The following DIDO1 variants were observed in gnomAD, a reference collection of about 807,000 sequenced individuals.
DIDO1 encodes the protein death inducer-obliterator 1.
In DIDO1, 16 loss-of-function variants were observed where a neutral mutation model predicts 99.4. The ratio of observed to expected loss-of-function variants is 0.16; its 90% confidence interval spans 0.11 to 0.24. The LOEUF (loss-of-function observed/expected upper bound fraction) is 0.24. Among genes scored for constraint, DIDO1 ranks in the 10% least tolerant of loss-of-function variants. DIDO1 has a pLI of 1.00. For missense variants in DIDO1, 2,996 were observed against 3,014.0 expected, an observed-to-expected ratio of 0.99 and a Z score of 0.14; for synonymous variants, 1,366 against 1,239.1, an observed-to-expected ratio of 1.10 and a Z score of -2.15.
intron 4 of DIDO1, among the ~76,000 whole-genome samples, chr20:62,907,710 G>A (rs1055369144): frequency 1.2e-4 from 19 of 152,240 alleles, no homozygotes; most frequent in African/African-American, 4.1e-4. Flanking sequence ...TTCTTCAGAT[G>A]TAATTAAGGA....
chr20:62,905,922 T>C lies in DIDO1; in HGVS notation c.1553A>G (p.Lys518Arg). The change falls in exon 6 of 16, where the codon AAG becomes AGG. Residue 518 changes from lysine (K) to arginine (R), a missense_variant. Around this residue, in one of 5 missense-constraint regions of DIDO1, gnomAD observed 898 missense variants for 972.7 expected, o/e 0.92. Coordinates refer to ENST00000395343, the MANE Select transcript of DIDO1 (RefSeq NM_001193369.2). ...DHNYNAVKPE[K>R]TAAPSPSLLY... Reference sequence around the variant, plus strand: ...CAGTGACGGCGAGGGAGCAGCAGTCTTTTCTGGCTTTACTGCATTGTAATT... The same window carrying C: ...CAGTGACGGCGAGGGAGCAGCAGTCCTTTCTGGCTTTACTGCATTGTAATT... The C allele has an allele frequency of 6.2e-7, 1 of 1,614,078 alleles. No individual in the cohort carries two copies. The highest frequency in any genetic ancestry group is 1.1e-5 in the South Asian group (1 of 91,048).
intron 6 of DIDO1, among the ~76,000 whole-genome samples, chr20:62,898,897 AATCTGTT>A (rs2064597938): frequency 6.6e-6 from 1 of 152,318 alleles, no homozygotes; most frequent in Non-Finnish European, 1.5e-5. Flanking sequence ...AGTGTTTGAA[AATCTGTT>A]TTTAACAACT....
In DIDO1 at chr20:62,882,402, G is replaced by A. The variant is rs373604763; in HGVS notation, c.3554C>T (p.Pro1185Leu). The part of the protein sequence containing the change: ...LPFEGPGLES[P>L]RPNIILGLVI... ...TAACCCAAGAATTATATTCGGACGTGGTGACTCAAGACCTGAAAAACAAAA... is the reference window on the plus strand; with the variant it reads ...TAACCCAAGAATTATATTCGGACGTAGTGACTCAAGACCTGAAAAACAAAA... The change falls in exon 16 of 16, where the codon CCA (proline) becomes CTA (leucine). Residue 1185 changes from proline to leucine, a missense_variant. This residue lies in a region of DIDO1 where 135 missense variants were observed against 202.3 expected (regional missense o/e 0.67). Coordinates refer to ENST00000395343, the MANE Select transcript of DIDO1 (RefSeq NM_001193369.2). The A allele has an allele frequency of 3.3e-5, 53 of 1,609,756 alleles. No homozygotes were observed. Among genetic ancestry groups the A allele is most frequent in the Non-Finnish European group, 4.2e-5 (49 of 1,177,462 alleles).
intron 1 of DIDO1, among the ~76,000 whole-genome samples, chr20:62,934,716 A>T (rs541084560): frequency 3.3e-5 from 5 of 151,972 alleles, no homozygotes; most frequent in African/African-American, 1.2e-4. Flanking sequence ...CACATCTCTC[A>T]ACTTCTTGCT....
At chr20:62,887,681 T>C in intron 15 of DIDO1, 1 of 985,232 alleles carries the variant, frequency 1.0e-6, no homozygotes, top group Non-Finnish European at 1.2e-6. Flanking sequence ...TCCAGTCCTG[T>C]AAGGGCCCTG....
rs150921437 is a variant in DIDO1 at position 62,916,307 on chromosome 20, T to A, written c.-199-1901A>T. 2.1e-4 allele frequency among the ~76,000 whole-genome samples: 32 copies of A among 152,142 alleles called. No individual in the cohort carries two copies. The East Asian group carries it at 6.2e-3, about 29-fold the overall frequency. ...ATGTACCAAATTTAATATTTCCACA[T>A]TTCTAAGCACATTTTTTTCCCCAGC... is the stretch of plus-strand genomic sequence containing the variant. On this transcript the variant is annotated intron_variant, in intron 1 of 15. Coordinates refer to ENST00000395343, the MANE Select transcript of DIDO1 (RefSeq NM_001193369.2).
rs1319388178 is a variant in DIDO1 at position 62,909,605 on chromosome 20, G to A, written c.1161+94C>T. 31 of 1,498,012 alleles carry A rather than the reference G, an allele frequency of 2.1e-5. No homozygotes were observed. The Middle Eastern group carries it at 7.1e-4, about 34-fold the overall frequency. The allele number at this position is 1,498,012 out of a possible 1,614,324, so 92.8% of individuals were successfully genotyped here. On this transcript the variant is annotated intron_variant, in intron 4 of 15. Coordinates refer to ENST00000395343, the MANE Select transcript of DIDO1 (RefSeq NM_001193369.2). The stretch of plus-strand genomic sequence containing the variant: ...GGGAGAGGCACCGCCCCACATGGGT[G>A]CAGCACCCGTCCTGGGAGGAATTTC...
At position 62,894,764 on chromosome 20, in the gene DIDO1, T is replaced by A. The variant is rs1375705897; in HGVS notation, c.2436+46A>T. 4.5e-6 allele frequency: 7 copies of A among 1,564,330 alleles called. No homozygotes were observed. The highest frequency in any genetic ancestry group is 6.1e-6 in the Non-Finnish European group (7 of 1,148,828). ...TAAGATAACCTCAAAACATTTGGGATGGATTAGTCTATTCTCGGTGAACAC... is the reference window on the plus strand; with the variant it reads ...TAAGATAACCTCAAAACATTTGGGAAGGATTAGTCTATTCTCGGTGAACAC... On this transcript the variant is annotated intron_variant, in intron 10 of 15. Coordinates refer to ENST00000395343, the MANE Select transcript of DIDO1 (RefSeq NM_001193369.2). The surrounding 1 kb of genome is among the most constrained non-coding windows in gnomAD (Gnocchi z 4.4).
rs766804767 is a variant in DIDO1 at position 62,891,045 on chromosome 20, G to A, written c.3456C>T (p.Asn1152=). 6.2e-7 allele frequency: 1 copy of A among 1,614,102 alleles called. No homozygotes were observed. Among genetic ancestry groups the A allele is most frequent in the African/African-American group, 1.3e-5 (1 of 74,944 alleles). ...GGTAGAGGTCCTTGACGTGCCTGTT[G>A]TTATTAGCTACAACACCAAAGCGGC... The part of the protein sequence containing the change: ...SRGRFGVVAN[N]NRHVKDLYLI... The change falls in exon 15 of 16, where the codon AAC becomes AAT. Residue 1152 remains asparagine (N), a synonymous_variant. Transcript: ENST00000395343.
chr20:62,909,579 C>G (rs769279567), intron 4 of DIDO1, 120 bp downstream of exon 4: 1 of 1,232,544 alleles, frequency 8.1e-7, no homozygotes, highest in Non-Finnish European at 1.1e-6. Flanking sequence ...GGCAGGAACC[C>G]GGGAGAGGCA....
chr20:62,903,186 A>C (rs1323854262), intron 6 of DIDO1, among the ~76,000 whole-genome samples: 2 of 152,258 alleles, frequency 1.3e-5, no homozygotes, highest in Non-Finnish European at 2.9e-5. Context: ...AAATGGGAGG[A>C]ACAAGGTGAG....
At chr20:62,901,425 T>C (rs1332834858) in intron 6 of DIDO1, among the ~76,000 whole-genome samples, 1 of 152,246 alleles carries the variant, frequency 6.6e-6, no homozygotes, top group African/African-American at 2.4e-5. Flanking sequence ...ACATGGTGTG[T>C]GCCTGGCTGC....
rs143645698 is a variant in DIDO1 at position 62,906,064 on chromosome 20, C to G, written c.1411G>C (p.Ala471Pro). 117 of 1,613,452 alleles carry G rather than the reference C, an allele frequency of 7.3e-5. No individual in the cohort carries two copies. In the African/African-American group the frequency reaches 1.4e-3, roughly 19 times the overall value. The change falls in exon 6 of 16, where the codon GCT becomes CCT. Residue 471 changes from alanine to proline, a missense_variant. Ala to Pro is a conservative substitution (Grantham distance 27). Coordinates refer to ENST00000395343, the MANE Select transcript of DIDO1 (RefSeq NM_001193369.2). ...ACTGTGGTCTCTTTTTTTTCTGGAGCTGGTCTCTTGTGCACAGAAGAGATT... is the reference window on the plus strand; with the variant it reads ...ACTGTGGTCTCTTTTTTTTCTGGAGGTGGTCTCTTGTGCACAGAAGAGATT... ...IKISSVHKRPAPEKKETTVKK... is the reference protein window; with the variant it reads ...IKISSVHKRPPPEKKETTVKK...
Position 62,895,303 on chromosome 20 carries a change from G to A in DIDO1, c.2215-138C>T, listed in dbSNP as rs577572045. 1.8e-5 allele frequency: 13 copies of A among 738,552 alleles called. No individual in the cohort carries two copies. The Admixed American group carries it at 2.3e-4, about 13-fold the overall frequency. 45.7% of individuals were successfully genotyped at this position (738,552 alleles called of 1,614,324 possible). ...TCAGGGCCCACTTGCGTGTGGCACT[G>A]GGCAGAGCCCTCCCTGCAGGGTGTG... On this transcript the variant is annotated intron_variant, in intron 8 of 15. Coordinates refer to ENST00000395343, the MANE Select transcript of DIDO1 (RefSeq NM_001193369.2).
At chr20:62,900,888 C>G (rs2064656965) in intron 6 of DIDO1, among the ~76,000 whole-genome samples, 1 of 152,244 alleles carries the variant, frequency 6.6e-6, no homozygotes, top group Non-Finnish European at 1.5e-5. Flanking sequence ...AGTGAAGGAA[C>G]TGTGGAAGTA....
intron 15 of DIDO1, among the ~76,000 whole-genome samples, chr20:62,885,353 C>T (rs1176926531): frequency 2.6e-5 from 4 of 152,220 alleles, no homozygotes; most frequent in African/African-American, 9.6e-5. Context: ...AAGGGAGACA[C>T]TCAGCTTCTA....
At chr20:62,912,265 C>G (rs1054993034) in intron 2 of DIDO1, among the ~76,000 whole-genome samples, 1 of 152,198 alleles carries the variant, frequency 6.6e-6, no homozygotes, top group African/African-American at 2.4e-5. Context: ...GTGAATGACC[C>G]TCACGGGCAC....
rs2064202415 is a variant in DIDO1, at chr20:62,881,367, G to A, written c.4589C>T (p.Pro1530Leu). ...CTCTTGCTGGAACAGCTCTGCCTTG[G>A]GCAAGGACGACTTTGGTGGTGGAGA... ...LMSPPPKSSL[P>L]KAELFQQEQQ... is the part of the protein sequence containing the mutation. The change falls in exon 16 of 16, where the codon CCC becomes CTC. Residue 1530 changes from proline (P) to leucine (L), a missense_variant. By Grantham distance (98) the Pro-to-Leu change is moderately conservative. Coordinates refer to ENST00000395343, the MANE Select transcript of DIDO1 (RefSeq NM_001193369.2). The surrounding 1 kb of genome is among the most constrained non-coding windows in gnomAD (Gnocchi z 8.3). 1 of 1,606,462 alleles carries A rather than the reference G, an allele frequency of 6.2e-7. No individual in the cohort carries two copies. The highest frequency in any genetic ancestry group is 2.2e-5 in the East Asian group (1 of 44,846).
intron 1 of DIDO1, among the ~76,000 whole-genome samples, chr20:62,920,061 T>C (rs1470524047): frequency 6.6e-6 from 1 of 152,190 alleles, no homozygotes; most frequent in Admixed American, 6.5e-5. Flanking sequence ...CAATTCTACA[T>C]ACCAGGATTC....
Sources: gnomAD v4.1 joint callset for allele counts (sites outside exome capture counted in the v4.1 genomes callset) on GRCh38, gnomAD v4.1.1 for gene constraint, gnomAD v4.1.1 regional missense constraint, Gnocchi (gnomAD v3.1) non-coding constraint, MANE v1.5 for transcripts, NCBI Gene and HGNC (gene_info 2026-07-23, HGNC 2026-07-21) for gene names.